Variants in AGAP1 observed in about 807,000 individuals in gnomAD.
The protein encoded by AGAP1 is ArfGAP with GTPase domain, ankyrin repeat and PH domain 1.
Under a neutral mutation model 105.3 loss-of-function variants are expected in AGAP1, and 29 were observed. The observed-to-expected ratio is 0.28, with a 90% CI of 0.21 to 0.38. The LOEUF is 0.38. Ranked by LOEUF, AGAP1 falls within the 10% of genes least tolerant of loss-of-function variation. AGAP1 has a pLI of 1.00. For missense variants in AGAP1, 998 were observed against 1,165.1 expected (o/e 0.86, Z 2.09); for synonymous variants, 509 against 485.9 (o/e 1.05, Z -0.63).
intron 13 of AGAP1, among the ~76,000 whole-genome samples, chr2:235,972,788 C>T (rs2054706185): frequency 6.6e-6 from 1 of 152,202 alleles, no homozygotes; most frequent in South Asian, 2.1e-4. Flanking sequence ...CTACAAGCCC[C>T]TGAAGCCCGT....
intron 5 of AGAP1, among the ~76,000 whole-genome samples, chr2:235,749,873 TG>T (rs1043546679): frequency 1.6e-4 from 24 of 152,306 alleles, no homozygotes; most frequent in African/African-American, 4.8e-4. Context: ...AACAATTCAC[TG>T]GGGTATCCCT....
rs988599752 is a variant in AGAP1, at chr2:236,000,380, C to T, written c.1645+31757C>T. 6.6e-5 allele frequency among the ~76,000 whole-genome samples: 10 copies of T among 152,224 alleles called. No individual in the cohort carries two copies. Among genetic ancestry groups the T allele is most frequent in the African/African-American group, 2.2e-4 (9 of 41,458 alleles). On this transcript the variant is annotated intron_variant, in intron 13 of 17. Transcript: ENST00000304032. This position sits in a 1 kb window ranked among gnomAD's most constrained non-coding sequence, Gnocchi z 4.3. ...CTTAAAGTCACACATTTCCAAGAAC[C>T]TGTCAATGGCATTGAGGACTTTCTG...
rs186743111 is a variant in AGAP1 at position 235,621,897 on chromosome 2, G to A, written c.164-87282G>A. Among the ~76,000 whole-genome samples the A allele has an allele frequency of 0.019, 2,463 of 126,440 alleles. 65 individuals carry two copies. The highest frequency in any genetic ancestry group is 0.059 in the African/African-American group (2,319 of 39,260). The allele number at this position is 126,440 out of a possible 152,430, so 82.9% of individuals were successfully genotyped here. ...GGGTGCGATCGGAAGGGAGTGCCGC[G>A]CAGACCCCCCCACCCCCTCAGAACA... On this transcript the variant is annotated intron_variant, in intron 1 of 17. Transcript: ENST00000304032. The surrounding 1 kb of genome is among the most constrained non-coding windows in gnomAD (Gnocchi z 4.1).
At chr2:236,111,389 G>A (rs775740986) in intron 16 of AGAP1, among the ~76,000 whole-genome samples, 41 of 151,758 alleles carry the variant, frequency 2.7e-4, no homozygotes, top group Non-Finnish European at 4.9e-4. Flanking sequence ...GGTGGCACAC[G>A]CCTGTAGTTG....
rs1559711506 is a variant in AGAP1 at position 235,971,775 on chromosome 2, T to TTATC, written c.1645+3155_1645+3156insCTAT. Among the ~76,000 whole-genome samples, 3 of 150,052 alleles carry TTATC rather than the reference T, an allele frequency of 2.0e-5. No individual in the cohort carries two copies. ...TTTATTTATTTATTTATTTATTTAT[T>TTATC]TATTTATTTATTGTATTTTTTGAGA... is the stretch of plus-strand genomic sequence containing the variant. On this transcript the variant is annotated intron_variant, in intron 13 of 17. Transcript: ENST00000304032. The surrounding 1 kb of genome is among the most constrained non-coding windows in gnomAD (Gnocchi z 4.8).
rs139339003 is a variant in AGAP1 at position 235,569,773 on chromosome 2, T to C, written c.163+74924T>C. 7.9e-5 allele frequency among the ~76,000 whole-genome samples: 12 copies of C among 152,340 alleles called. No homozygotes were observed. The East Asian group carries it at 2.1e-3, about 27-fold the overall frequency. ...AACCTGTAGGTTCTGAGACCGAGCC[T>C]TGGGTAGTTTTTATTTCTTAGGCTC... On this transcript the variant is annotated intron_variant, in intron 1 of 17. Transcript: ENST00000304032. This position sits in a 1 kb window ranked among gnomAD's most constrained non-coding sequence, Gnocchi z 5.9.
chr2:235,913,526 C>T (rs564108012), intron 11 of AGAP1, among the ~76,000 whole-genome samples: 1 of 152,184 alleles, frequency 6.6e-6, no homozygotes, highest in African/African-American at 2.4e-5. Context: ...GTGTTTCTGG[C>T]CTCTCAGATG....
chr2:236,086,301 G>A (rs1024448791), intron 16 of AGAP1, among the ~76,000 whole-genome samples: 5 of 152,146 alleles, frequency 3.3e-5, no homozygotes, highest in Admixed American at 6.6e-5. Context: ...CAGAAGGCGA[G>A]ACATAACTCT....
rs2059182783 is a variant in AGAP1, at chr2:236,095,995, C to T, written c.2115-24197C>T. Among the ~76,000 whole-genome samples the T allele has an allele frequency of 6.6e-6, 1 of 152,144 alleles. No individual in the cohort carries two copies. Among genetic ancestry groups the T allele is most frequent in the Admixed American group, 6.5e-5 (1 of 15,280 alleles). ...CATGAGTTATTTCCCATTAAATTTC[C>T]CCAGCTTCTGTGCCATGCTTCTTTA... On this transcript the variant is annotated intron_variant, in intron 16 of 17. Transcript: ENST00000304032. This position sits in a 1 kb window ranked among gnomAD's most constrained non-coding sequence, Gnocchi z 4.1.
intron 1 of AGAP1, among the ~76,000 whole-genome samples, chr2:235,681,983 G>A (rs775718178): frequency 6.6e-6 from 1 of 151,444 alleles, no homozygotes; most frequent in Non-Finnish European, 1.5e-5. Flanking sequence ...CCAAGTAGCT[G>A]GGATTACAGG....
intron 12 of AGAP1, among the ~76,000 whole-genome samples, chr2:235,943,755 C>T (rs1173362785): frequency 6.6e-6 from 1 of 152,162 alleles, no homozygotes; most frequent in Non-Finnish European, 1.5e-5. Flanking sequence ...ATGGTTATAA[C>T]ATGGCTAGGT....
chr2:235,893,352 G>C lies in AGAP1; in HGVS notation c.1155+9903G>C, dbSNP rs917944152. Reference sequence around the variant, plus strand: ...ATGGGTGTGGCTTGTCTGTGGTGTGGGTGTGCCGTGTCCATCATAGGGGTG... The same window carrying C: ...ATGGGTGTGGCTTGTCTGTGGTGTGCGTGTGCCGTGTCCATCATAGGGGTG... On this transcript the variant is annotated intron_variant, in intron 10 of 17. Transcript: ENST00000304032. The surrounding 1 kb of genome is among the most constrained non-coding windows in gnomAD (Gnocchi z 4.7). Among the ~76,000 whole-genome samples, 101 of 150,982 alleles carry C rather than the reference G, an allele frequency of 6.7e-4. No homozygotes were observed. The highest frequency in any genetic ancestry group is 1.2e-3 in the Non-Finnish European group (79 of 67,756).
intron 1 of AGAP1, among the ~76,000 whole-genome samples, chr2:235,525,245 T>C (rs978257103): frequency 6.6e-6 from 1 of 152,170 alleles, no homozygotes; most frequent in African/African-American, 2.4e-5. Context: ...ATTTATAAAG[T>C]GGAGGACTGA....
At chr2:235,546,271 AG>A (rs995097889) in intron 1 of AGAP1, among the ~76,000 whole-genome samples, 25 of 152,230 alleles carry the variant, frequency 1.6e-4, no homozygotes, top group African/African-American at 5.5e-4. Flanking sequence ...GCAGGCCCGC[AG>A]GCCCTCGGGT....
intron 1 of AGAP1, among the ~76,000 whole-genome samples, chr2:235,629,266 CATTGTGTGTGTGTGTGT>C (rs1164509487): frequency 7.5e-6 from 1 of 133,514 alleles, no homozygotes; most frequent in African/African-American, 2.9e-5. Context: ...GAGTAGTAGT[CATTGTGTGTGTGTGTGT>C]GTGTGTGTGT....
intron 1 of AGAP1, among the ~76,000 whole-genome samples, chr2:235,649,521 G>T (rs747928286): frequency 6.6e-6 from 1 of 152,092 alleles, no homozygotes; most frequent in Non-Finnish European, 1.5e-5. Flanking sequence ...CTACAGGTGC[G>T]CATCTCTACA....
chr2:235,924,828 G>A (rs1355037988), intron 11 of AGAP1, among the ~76,000 whole-genome samples: 3 of 152,200 alleles, frequency 2.0e-5, no homozygotes, highest in Non-Finnish European at 4.4e-5. Context: ...GTCCCAGACA[G>A]CAAACAGATG....
At chr2:235,505,695 G>A (rs1221302029) in intron 1 of AGAP1, 1 of 152,280 alleles carries the variant, frequency 6.6e-6, no homozygotes, top group Non-Finnish European at 1.5e-5. Flanking sequence ...GCGGAGTCCA[G>A]GGAGAGATCC....
rs866446708 is a variant in AGAP1 at position 235,611,315 on chromosome 2, A to G, written c.164-97864A>G. ...ATGAAGAGTCTCCCTTTCAGACTGCAAGCCCCTTGAGGTCAGGATGCTGCA... is the reference window on the plus strand; with the variant it reads ...ATGAAGAGTCTCCCTTTCAGACTGCGAGCCCCTTGAGGTCAGGATGCTGCA... On this transcript the variant is annotated intron_variant, in intron 1 of 17. Coordinates refer to ENST00000304032, the MANE Select transcript of AGAP1 (RefSeq NM_001037131.3). This position sits in a 1 kb window ranked among gnomAD's most constrained non-coding sequence, Gnocchi z 5.0. Among the ~76,000 whole-genome samples the G allele has an allele frequency of 7.9e-5, 12 of 152,370 alleles. No individual in the cohort carries two copies. The highest frequency in any genetic ancestry group is 2.6e-4 in the African/African-American group (11 of 41,586).
Sources: gnomAD v4.1 joint callset for allele counts (sites outside exome capture counted in the v4.1 genomes callset) on GRCh38, gnomAD v4.1.1 for gene constraint, Gnocchi (gnomAD v3.1) non-coding constraint, MANE v1.5 for transcripts, NCBI Gene and HGNC (gene_info 2026-07-23, HGNC 2026-07-21) for gene names.